The following ZNF790 variants were observed in gnomAD, a reference collection of about 807,000 sequenced individuals.
The protein encoded by ZNF790 is zinc finger protein 790.
Under a neutral mutation model 12.1 loss-of-function variants are expected in ZNF790, and 8 were observed. The observed-to-expected ratio is 0.66, with a 90% CI of 0.39 to 1.19. The LOEUF (loss-of-function observed/expected upper bound fraction) is 1.19, where lower values mean the gene tolerates loss of function less well. Among genes scored for constraint, ZNF790 ranks in the 50% most tolerant of loss-of-function variants. ZNF790 has a pLI of 0.01. For missense variants in ZNF790, 707 were observed against 752.2 expected (o/e 0.94, Z 0.70); for synonymous variants, 252 against 244.3 (o/e 1.03, Z -0.29).
At chr19:36,821,731 C>A (rs2071677621) in intron 4 of ZNF790, among the ~76,000 whole-genome samples, 1 of 151,948 alleles carries the variant, frequency 6.6e-6, no homozygotes, top group African/African-American at 2.4e-5. Context: ...TTACAGGCGC[C>A]CACCCCCATG....
intron 1 of ZNF790, among the ~76,000 whole-genome samples, chr19:36,828,628 C>T (rs1194105961): frequency 6.6e-6 from 1 of 152,120 alleles, no homozygotes; most frequent in Non-Finnish European, 1.5e-5. Flanking sequence ...CAGGAATGCA[C>T]CACTGTGCCT....
intron 2 of ZNF790, among the ~76,000 whole-genome samples, chr19:36,824,346 A>G (rs1344340009): frequency 6.7e-6 from 1 of 148,666 alleles, no homozygotes; most frequent in Admixed American, 6.7e-5. Context: ...TTGCTCTGTC[A>G]CCCAGACCGG....
chr19:36,837,494 T>C (rs1307584905), intron 1 of ZNF790, among the ~76,000 whole-genome samples: 1 of 152,194 alleles, frequency 6.6e-6, no homozygotes, highest in African/African-American at 2.4e-5. Context: ...TGCCATGAGA[T>C]TGTATATAAC....
chr19:36,825,725 C>T (rs1292246065), intron 1 of ZNF790, 33 bp from the exon 2 acceptor site: 1 of 1,245,512 alleles, frequency 8.0e-7, no homozygotes, highest in African/African-American at 1.5e-5. Context: ...TCAGGCCTTT[C>T]TCAGAGCTCT....
At chr19:36,825,960 G>A (rs1568337245) in intron 1 of ZNF790, among the ~76,000 whole-genome samples, 2 of 152,090 alleles carry the variant, frequency 1.3e-5, no homozygotes, top group East Asian at 1.9e-4. Flanking sequence ...TTATCCTCAA[G>A]CCGCCTATGA....
At chr19:36,845,047 CAAAAAAAAAAAAAAA>C (rs10611049) in intron 1 of ZNF790, among the ~76,000 whole-genome samples, 2 of 34,918 alleles carry the variant, frequency 5.7e-5, no homozygotes, top group Non-Finnish European at 1.0e-4. Context: ...GACTCCGTCT[CAAAAAAAAAAAAAAA>C]AAAAAAAAAA....
intron 1 of ZNF790, among the ~76,000 whole-genome samples, chr19:36,836,486 C>T (rs1268521831): frequency 1.3e-5 from 2 of 151,882 alleles, no homozygotes; most frequent in African/African-American, 4.8e-5. Context: ...CGGCTGGGCG[C>T]GGTGGCTCAC....
upstream of ZNF790, among the ~76,000 whole-genome samples, chr19:36,838,965 G>A (rs2072103956): frequency 6.6e-6 from 1 of 152,178 alleles, no homozygotes; most frequent in African/African-American, 2.4e-5. The surrounding 1 kb of genome is among the most constrained non-coding windows in gnomAD (Gnocchi z 4.4). Context: ...AACGATCCAT[G>A]GGACACAGCT....
chr19:36,818,882 A>G lies in ZNF790; in HGVS notation c.1462T>C (p.Phe488Leu), dbSNP rs531948982. The G allele has an allele frequency of 3.7e-5, 59 of 1,613,604 alleles. 1 individual carries two copies. The highest frequency in any genetic ancestry group is 3.4e-4 in the South Asian group (31 of 91,050). ...YECKECGKTF[F>L]RGSELNRHQK... ...TGTCGATTAAGTTCTGAACCACGAA[A>G]AAAGGTCTTTCCACATTCCTTACAT... Residue 488 changes from phenylalanine (F) to leucine (L), a missense_variant, in exon 5 of 5, where the codon TTT becomes CTT. Transcript: ENST00000356725.
intron 2 of ZNF790, 57 bp from the exon 3 acceptor site, chr19:36,823,847 T>G (rs753935131): frequency 6.0e-6 from 9 of 1,504,366 alleles, no homozygotes; most frequent in African/African-American, 1.4e-5. Flanking sequence ...ATAATTATAA[T>G]CCCTATAGAT....
intron 1 of ZNF790, 113 bp from the exon 2 acceptor site, chr19:36,825,805 G>C: frequency 1.5e-6 from 1 of 655,036 alleles, no homozygotes. Context: ...AGAAATCCTG[G>C]CCCTATCCAA....
Position 36,819,832 on chromosome 19 carries a change from T to TC in ZNF790, c.511dup (p.Glu171GlyfsTer3). The TC allele has an allele frequency of 6.2e-7, 1 of 1,613,720 alleles. No individual in the cohort carries two copies. The highest frequency in any genetic ancestry group is 8.5e-7 in the Non-Finnish European group (1 of 1,179,752). On this transcript the variant is annotated frameshift_variant, in exon 5 of 5. Transcript: ENST00000356725. LOFTEE classifies it low-confidence loss of function (END_TRUNC). Reference sequence around the variant, plus strand: ...AAAGGCTTTCCCCAGTTCTTTAAATTCATTCAGTTTGTCTCCTGTATTAAG... The same window carrying TC: ...AAAGGCTTTCCCCAGTTCTTTAAATTCCATTCAGTTTGTCTCCTGTATTAAG...
At chr19:36,849,104 G>C (rs1483554034) in intron 1 of ZNF790, among the ~76,000 whole-genome samples, 1 of 151,664 alleles carries the variant, frequency 6.6e-6, no homozygotes, top group African/African-American at 2.4e-5. Context: ...TGGTTTTTTT[G>C]TTTTGTTTTG....
rs757856505 is a variant in ZNF790, at chr19:36,819,737, ATTCT to A, written c.603_606del (p.Lys201AsnfsTer152). The A allele has an allele frequency of 1.9e-5, 30 of 1,613,704 alleles. No individual in the cohort carries two copies. The highest frequency in any genetic ancestry group is 2.4e-5 in the Non-Finnish European group (28 of 1,179,854). On this transcript the variant is annotated frameshift_variant, in exon 5 of 5. Coordinates refer to ENST00000356725, the MANE Select transcript of ZNF790 (RefSeq NM_206894.4). LOFTEE classifies it low-confidence loss of function (END_TRUNC). ...GAATCAGGAAGAAAGGTATTCCCAC[ATTCT>A]TTATCTCCACAGAATTTCTCACTTG...
chr19:36,847,699 A>C (rs954155295), intron 1 of ZNF790, among the ~76,000 whole-genome samples: 2 of 151,632 alleles, frequency 1.3e-5, no homozygotes, highest in Non-Finnish European at 2.9e-5. Context: ...GCAGTGAGCC[A>C]AGATCACGTC....
intron 4 of ZNF790, among the ~76,000 whole-genome samples, chr19:36,822,624 T>A (rs2071699077): frequency 6.6e-6 from 1 of 152,256 alleles, no homozygotes; most frequent in African/African-American, 2.4e-5. Context: ...CACTGCAACT[T>A]CTGCCTCCAA....
At chr19:36,840,324 CA>C (rs2072119508), upstream of ZNF790, among the ~76,000 whole-genome samples, 1 of 152,058 alleles carries the variant, frequency 6.6e-6, no homozygotes, top group Non-Finnish European at 1.5e-5. Flanking sequence ...TGAAGTGATA[CA>C]AAAGAAAATC....
At chr19:36,843,761 C>A (rs193237650) in intron 1 of ZNF790, among the ~76,000 whole-genome samples, 6 of 152,202 alleles carry the variant, frequency 3.9e-5, no homozygotes, top group Admixed American at 3.9e-4. Context: ...GTAATCCCAG[C>A]ACTTTGGGAG....
chr19:36,836,638 T>TC (rs1176354773), intron 1 of ZNF790, among the ~76,000 whole-genome samples: 1 of 151,618 alleles, frequency 6.6e-6, no homozygotes, highest in Non-Finnish European at 1.5e-5. Flanking sequence ...GCACCTGTAG[T>TC]CCCAGCTACT....
Sources: gnomAD v4.1 joint callset for allele counts (sites outside exome capture counted in the v4.1 genomes callset) on GRCh38, gnomAD v4.1.1 for gene constraint, Gnocchi (gnomAD v3.1) non-coding constraint, MANE v1.5 for transcripts, NCBI Gene and HGNC (gene_info 2026-07-23, HGNC 2026-07-21) for gene names.